CATSPERE: variants seen among roughly 807,000 people sequenced by gnomAD.
CATSPERE encodes the protein catsper channel auxiliary subunit epsilon.
In CATSPERE, 93 loss-of-function variants were observed where a neutral mutation model predicts 114.1. That is an observed-to-expected ratio of 0.81 (90% CI 0.69 to 0.97). The LOEUF is 0.97. Among genes scored for constraint, CATSPERE ranks in the 50% least tolerant of loss-of-function variants. The pLI is 0.00. For synonymous variants in CATSPERE, 341 were observed against 384.1 expected (o/e 0.89, Z 1.31); for missense variants, 1,058 against 1,131.6 (o/e 0.93, Z 0.93).
chr1:244,537,511 T>A (rs1680557114), intron 8 of CATSPERE, among the ~76,000 whole-genome samples: 1 of 152,188 alleles, frequency 6.6e-6, no homozygotes, highest in African/African-American at 2.4e-5. Context: ...TTGGGAAAAA[T>A]TCCCTCTGCT....
chr1:244,564,102 T>C (rs1451215859), intron 10 of CATSPERE, among the ~76,000 whole-genome samples: 3 of 152,168 alleles, frequency 2.0e-5, no homozygotes, highest in African/African-American at 7.2e-5. Flanking sequence ...TTCTGTTCCA[T>C]TGGTCTATAT....
chr1:244,608,325 G>C (rs562101913), intron 18 of CATSPERE, among the ~76,000 whole-genome samples: 4 of 151,978 alleles, frequency 2.6e-5, no homozygotes, highest in South Asian at 2.1e-4. Flanking sequence ...TTGAGCCTAG[G>C]AGTCTGAGAC....
At chr1:244,474,765 T>A (rs1336644217) in intron 2 of CATSPERE, among the ~76,000 whole-genome samples, 1 of 142,782 alleles carries the variant, frequency 7.0e-6, no homozygotes, top group African/African-American at 2.6e-5. Flanking sequence ...GGAGACAGGG[T>A]TTTGGTCTTG....
chr1:244,588,193 C>CAAAAA lies in CATSPERE; in HGVS notation c.2086-275_2086-271dup, dbSNP rs34464391. Among the ~76,000 whole-genome samples, 514 of 107,894 alleles carry CAAAAA rather than the reference C, an allele frequency of 4.8e-3. 3 individuals are homozygous for CAAAAA. Among genetic ancestry groups the CAAAAA allele is most frequent in the African/African-American group, 6.8e-3 (194 of 28,462 alleles). The allele number at this position is 107,894 out of a possible 152,430, so 70.8% of individuals were successfully genotyped here. On this transcript the variant is annotated intron_variant, in intron 13 of 21. Transcript: ENST00000366534. Reference sequence around the variant, plus strand: ...TGAGCGACAGAACAAGACTTCATCTCAAAAAAAAAAAAAAAAAAGATGAAT... The same window carrying CAAAAA: ...TGAGCGACAGAACAAGACTTCATCTCAAAAAAAAAAAAAAAAAAAAAAAGATGAAT...
At position 244,552,676 on chromosome 1, in the gene CATSPERE, C is replaced by T. The variant is rs759561837; in HGVS notation, c.891C>T (p.Ile297=). The T allele has an allele frequency of 1.9e-6, 3 of 1,613,960 alleles. No homozygotes were observed. Among genetic ancestry groups the T allele is most frequent in the Admixed American group, 1.7e-5 (1 of 59,996 alleles). Residue 297 remains isoleucine (I), a synonymous_variant, in exon 9 of 22, where the codon ATC becomes ATT. Transcript: ENST00000366534. ...ATGTGATCTTATCGCGGGATGGAAT[C>T]GTTTTTCTTATAAATGGTGTTCTTT... ...VAHVILSRDG[I]VFLINGVLYI...
chr1:244,546,705 A>G (rs1405295538), intron 8 of CATSPERE, among the ~76,000 whole-genome samples: 5 of 152,228 alleles, frequency 3.3e-5, no homozygotes, highest in Non-Finnish European at 7.3e-5. Flanking sequence ...GAAAAATGCA[A>G]TAGAGAGCAT....
intron 8 of CATSPERE, among the ~76,000 whole-genome samples, chr1:244,539,086 T>C (rs140034575): frequency 1.2e-3 from 190 of 152,308 alleles, no homozygotes; most frequent in African/African-American, 4.3e-3. Context: ...TGTTTTCCTC[T>C]GGAGGGAGCA....
chr1:244,540,048 A>G lies in CATSPERE; in HGVS notation c.537-12274A>G, dbSNP rs891086597. 3.3e-5 allele frequency among the ~76,000 whole-genome samples: 5 copies of G among 151,436 alleles called. No individual in the cohort carries two copies. In the East Asian group the frequency reaches 7.8e-4, roughly 24 times the overall value. On this transcript the variant is annotated intron_variant, in intron 8 of 21. Transcript: ENST00000366534. ...TATCTATGACAAACTCACAGCCAATATCATACTGAATGGGCAAAAACTGGA... is the reference window on the plus strand; with the variant it reads ...TATCTATGACAAACTCACAGCCAATGTCATACTGAATGGGCAAAAACTGGA...
intron 2 of CATSPERE, among the ~76,000 whole-genome samples, chr1:244,471,416 C>T (rs1172306229): frequency 6.6e-6 from 1 of 152,152 alleles, no homozygotes; most frequent in Non-Finnish European, 1.5e-5. Context: ...GAAATTTACT[C>T]CTTTTAAGCA....
chr1:244,523,155 A>G (rs998558791), intron 8 of CATSPERE, among the ~76,000 whole-genome samples: 1 of 149,420 alleles, frequency 6.7e-6, no homozygotes, highest in African/African-American at 2.6e-5. Context: ...AGTGGGCTTC[A>G]TCCCTGGGAT....
chr1:244,521,406 T>G (rs1004516702), intron 8 of CATSPERE, among the ~76,000 whole-genome samples: 1 of 152,144 alleles, frequency 6.6e-6, no homozygotes, highest in Non-Finnish European at 1.5e-5. Flanking sequence ...AAATGATATA[T>G]GATCAAGTTG....
At chr1:244,493,260 C>G (rs916605160) in intron 6 of CATSPERE, among the ~76,000 whole-genome samples, 1 of 152,160 alleles carries the variant, frequency 6.6e-6, no homozygotes, top group Non-Finnish European at 1.5e-5. Context: ...AGATATAGAT[C>G]AATGGAACAG....
intron 8 of CATSPERE, among the ~76,000 whole-genome samples, chr1:244,526,086 T>A (rs1202700752): frequency 6.6e-6 from 1 of 152,190 alleles, no homozygotes; most frequent in Non-Finnish European, 1.5e-5. Context: ...GTAGCCAACG[T>A]AGCAAAGAGG....
intron 13 of CATSPERE, among the ~76,000 whole-genome samples, chr1:244,586,262 T>C (rs1667011363): frequency 6.6e-6 from 1 of 152,218 alleles, no homozygotes; most frequent in Non-Finnish European, 1.5e-5. Context: ...ACTCATATTT[T>C]TAATCCTAGC....
At chr1:244,467,892 C>T (rs1420619654) in intron 2 of CATSPERE, among the ~76,000 whole-genome samples, 1 of 152,056 alleles carries the variant, frequency 6.6e-6, no homozygotes, top group East Asian at 1.9e-4. Flanking sequence ...ATATTCCATA[C>T]CAGGCAAGAG....
At chr1:244,595,513 G>A (rs1668272580) in intron 17 of CATSPERE, among the ~76,000 whole-genome samples, 1 of 152,210 alleles carries the variant, frequency 6.6e-6, no homozygotes, top group African/African-American at 2.4e-5. Flanking sequence ...AGTTCAAACG[G>A]TGTGATATTG....
chr1:244,512,125 A>G (rs1208049589), intron 7 of CATSPERE, among the ~76,000 whole-genome samples: 14 of 152,186 alleles, frequency 9.2e-5, no homozygotes, highest in Admixed American at 9.2e-4. Flanking sequence ...TTTGTAAAAT[A>G]GCTTTTCTAT....
intron 8 of CATSPERE, among the ~76,000 whole-genome samples, chr1:244,549,053 G>A (rs1660195254): frequency 6.6e-6 from 1 of 152,164 alleles, no homozygotes; most frequent in Admixed American, 6.5e-5. Flanking sequence ...GACTACCGAG[G>A]GGAAGCTGGA....
At chr1:244,544,697 G>A (rs953530948) in intron 8 of CATSPERE, among the ~76,000 whole-genome samples, 12 of 152,180 alleles carry the variant, frequency 7.9e-5, no homozygotes, top group Non-Finnish European at 1.3e-4. Flanking sequence ...TGATTTCCAC[G>A]TCCCTATTCA....
Sources: gnomAD v4.1 joint callset for allele counts (sites outside exome capture counted in the v4.1 genomes callset) on GRCh38, gnomAD v4.1.1 for gene constraint, MANE v1.5 for transcripts, NCBI Gene and HGNC (gene_info 2026-07-23, HGNC 2026-07-21) for gene names.